Variants in PRKCE observed in about 807,000 individuals in gnomAD.
PRKCE encodes protein kinase C epsilon, also known as protein kinase C epsilon type.
Under a neutral mutation model 85.4 loss-of-function variants are expected in PRKCE, and 16 were observed. The ratio of observed to expected loss-of-function variants is 0.19; its 90% CI spans 0.13 to 0.28. The LOEUF (loss-of-function observed/expected upper bound fraction) is 0.28, where lower values mean the gene tolerates loss of function less well. PRKCE is among the 10% of genes least tolerant of loss of function. The pLI, the probability that PRKCE is intolerant of heterozygous loss-of-function variation, is 1.00. For missense variants in PRKCE, 573 were observed against 975.2 expected (o/e 0.59, Z 5.49); for synonymous variants, 388 against 371.5 (o/e 1.04, Z -0.51).
At chr2:46,156,511 T>A (rs1677217581) in intron 13 of PRKCE, among the ~76,000 whole-genome samples, 1 of 152,200 alleles carries the variant, frequency 6.6e-6, no homozygotes, top group African/African-American at 2.4e-5. Context: ...TGGAGACTCA[T>A]GTGTGTGCAA....
intron 2 of PRKCE, among the ~76,000 whole-genome samples, chr2:45,844,283 C>T (rs1243556679): frequency 6.6e-6 from 1 of 152,174 alleles, no homozygotes; most frequent in African/African-American, 2.4e-5. Flanking sequence ...AGGTTTAAAA[C>T]TTTAAACAGC....
chr2:46,084,949 C>A (rs1037897481), intron 10 of PRKCE, among the ~76,000 whole-genome samples: 3 of 152,070 alleles, frequency 2.0e-5, no homozygotes, highest in Admixed American at 6.6e-5. Flanking sequence ...CAGAGAGCTC[C>A]TTTTTCTCTG....
intron 1 of PRKCE, among the ~76,000 whole-genome samples, chr2:45,670,265 T>C (rs1205388721): frequency 6.6e-6 from 1 of 152,208 alleles, no homozygotes; most frequent in Non-Finnish European, 1.5e-5. Flanking sequence ...GGGTTTAATA[T>C]GCTTTTTGTA....
At chr2:46,156,098 G>T (rs558873376) in intron 13 of PRKCE, among the ~76,000 whole-genome samples, 1 of 146,906 alleles carries the variant, frequency 6.8e-6, no homozygotes, top group East Asian at 2.0e-4. Flanking sequence ...GCCATTTCGC[G>T]CCTCATCCCC....
rs959757396 is a variant in PRKCE, at chr2:46,151,244, C to T, written c.1920+15C>T. ...TCTTGAAAGCTGTGAGTCACTGCCC[C>T]TCACCCATGGCTGTGCTCTCCTGGG... On this transcript the variant is annotated intron_variant, in intron 13 of 14. Transcript: ENST00000306156. 11 of 1,591,040 alleles carry T rather than the reference C, an allele frequency of 6.9e-6. No homozygotes were observed. The African/African-American group carries it at 1.2e-4, about 17-fold the overall frequency.
At chr2:45,947,718 T>C (rs982345179) in intron 2 of PRKCE, among the ~76,000 whole-genome samples, 2 of 152,228 alleles carry the variant, frequency 1.3e-5, no homozygotes, top group Non-Finnish European at 2.9e-5. Context: ...TGCTTAATTA[T>C]TTTCCAATTG....
chr2:45,979,024 A>T lies in PRKCE; in HGVS notation c.607+14A>T, dbSNP rs756916811. On this transcript the variant is annotated intron_variant, in intron 4 of 14. Coordinates refer to ENST00000306156, the MANE Select transcript of PRKCE (RefSeq NM_005400.3). ...ACCAGTGTCAAGGTAAGAGGCATTT[A>T]TGAATTAAATCTTCAGAGGCCCGTG... 1 of 1,598,596 alleles carries T rather than the reference A, an allele frequency of 6.3e-7. No homozygotes were observed. Among genetic ancestry groups the T allele is most frequent in the Non-Finnish European group, 8.5e-7 (1 of 1,178,980 alleles).
intron 2 of PRKCE, among the ~76,000 whole-genome samples, chr2:45,933,428 C>T (rs1373960813): frequency 6.9e-6 from 1 of 144,702 alleles, no homozygotes; most frequent in Non-Finnish European, 1.5e-5. Context: ...TGACTTCTTC[C>T]AAAAGTTTTG....
At chr2:46,182,358 T>C (rs11686522) in intron 14 of PRKCE, among the ~76,000 whole-genome samples, 21,432 of 152,174 alleles carry the variant, frequency 0.14, 1,807 homozygotes, top group Non-Finnish European at 0.2. Context: ...GGGATGGTCT[T>C]TGTTGTTTCC....
intron 2 of PRKCE, among the ~76,000 whole-genome samples, chr2:45,919,015 C>T (rs1698049068): frequency 6.6e-6 from 1 of 152,192 alleles, no homozygotes; most frequent in South Asian, 2.1e-4. Flanking sequence ...GGACAGCCAC[C>T]TGGAGAGGGT....
At chr2:45,982,211 G>C (rs961177076) in intron 5 of PRKCE, among the ~76,000 whole-genome samples, 1 of 152,180 alleles carries the variant, frequency 6.6e-6, no homozygotes, top group Non-Finnish European at 1.5e-5. Flanking sequence ...TGCCCCTCAG[G>C]GTGATGGGCT....
intron 10 of PRKCE, among the ~76,000 whole-genome samples, chr2:46,056,886 A>G (rs1433837081): frequency 6.6e-6 from 1 of 152,226 alleles, no homozygotes; most frequent in Non-Finnish European, 1.5e-5. Context: ...GATAGGGGAA[A>G]CTTGGACCTG....
At chr2:45,869,711 T>C (rs986617591) in intron 2 of PRKCE, among the ~76,000 whole-genome samples, 9 of 144,000 alleles carry the variant, frequency 6.3e-5, no homozygotes, top group African/African-American at 2.3e-4. Context: ...TCTCTCTTTT[T>C]TTTTTTTTTT....
intron 11 of PRKCE, among the ~76,000 whole-genome samples, chr2:46,090,987 G>A (rs998376944): frequency 6.6e-6 from 1 of 152,192 alleles, no homozygotes; most frequent in African/African-American, 2.4e-5. Flanking sequence ...CAGCTAATTG[G>A]TTCATGTCCA....
chr2:45,888,853 T>A (rs1209317052), intron 2 of PRKCE, among the ~76,000 whole-genome samples: 3 of 152,202 alleles, frequency 2.0e-5, no homozygotes, highest in Non-Finnish European at 4.4e-5. Context: ...CAGGAATGTT[T>A]ACTGTCAAGA....
chr2:45,806,661 G>A (rs1285449585), intron 1 of PRKCE, among the ~76,000 whole-genome samples: 2 of 152,144 alleles, frequency 1.3e-5, no homozygotes, highest in African/African-American at 2.4e-5. Context: ...GTAGGACCTC[G>A]TGTAAGTGGA....
Position 46,184,659 on chromosome 2 carries a change from C to T in PRKCE, c.2068-76C>T, listed in dbSNP as rs970360713. 2.3e-5 allele frequency: 36 copies of T among 1,546,858 alleles called. No individual in the cohort carries two copies. The highest frequency in any genetic ancestry group is 1.1e-4 in the South Asian group (9 of 82,484). ...TGCTTTGGTGACAGGCTGGTCAGTG[C>T]GGTGCCCACTCCCCATGGGGGGCCC... On this transcript the variant is annotated intron_variant, in intron 14 of 14. Coordinates refer to ENST00000306156, the MANE Select transcript of PRKCE (RefSeq NM_005400.3). The surrounding 1 kb of genome is among the most constrained non-coding windows in gnomAD (Gnocchi z 5.0).
At chr2:45,725,724 G>C (rs1483964467) in intron 1 of PRKCE, among the ~76,000 whole-genome samples, 1 of 152,016 alleles carries the variant, frequency 6.6e-6, no homozygotes, top group African/African-American at 2.4e-5. Context: ...CCAGCTACTT[G>C]GGAGGCTGAG....
chr2:46,085,465 G>C (rs1669504350), intron 10 of PRKCE, among the ~76,000 whole-genome samples: 1 of 152,150 alleles, frequency 6.6e-6, no homozygotes. Flanking sequence ...GCATCACTGG[G>C]CCTACATGAA....
Sources: gnomAD v4.1 joint callset for allele counts (sites outside exome capture counted in the v4.1 genomes callset) on GRCh38, gnomAD v4.1.1 for gene constraint, Gnocchi (gnomAD v3.1) non-coding constraint, MANE v1.5 for transcripts, NCBI Gene and HGNC (gene_info 2026-07-23, HGNC 2026-07-21) for gene names.